Variants in PHACTR2 observed in about 807,000 individuals in gnomAD.
PHACTR2 encodes phosphatase and actin regulator 2.
In PHACTR2, 30 loss-of-function variants were observed where a neutral mutation model predicts 76.0. The ratio of observed to expected loss-of-function variants is 0.39; its 90% confidence interval spans 0.30 to 0.54. The LOEUF is 0.54. PHACTR2 is among the 20% of genes least tolerant of loss of function. The pLI is 0.61. For synonymous variants in PHACTR2, 292 were observed against 292.5 expected (o/e 1.00, Z 0.02); for missense variants, 696 against 781.1 (o/e 0.89, Z 1.30).
At position 143,571,614 on chromosome 6, in the gene PHACTR2, A is replaced by G. The variant is rs1288950077; in HGVS notation, c.217+34407A>G. 6.6e-6 allele frequency among the ~76,000 whole-genome samples: 1 copy of G among 151,870 alleles called. No homozygotes were observed. The highest frequency in any genetic ancestry group is 2.4e-5 in the African/African-American group (1 of 41,316). Reference sequence around the variant, plus strand: ...TTTTTTATAGAGATGAGGTCTTGCTATGTTTCCCAGGCCGGTCAATCATCA... The same window carrying G: ...TTTTTTATAGAGATGAGGTCTTGCTGTGTTTCCCAGGCCGGTCAATCATCA... On this transcript the variant is annotated intron_variant, in intron 1 of 11. Coordinates refer to the PHACTR2 transcript ENST00000367584. The surrounding 1 kb of genome is among the most constrained non-coding windows in gnomAD (Gnocchi z 4.6).
At position 143,695,515 on chromosome 6, in the gene PHACTR2, G is replaced by A. The variant is rs1302339150; in HGVS notation, c.47-16501G>A. Among the ~76,000 whole-genome samples the A allele has an allele frequency of 6.6e-6, 1 of 152,184 alleles. No individual in the cohort carries two copies. Among genetic ancestry groups the A allele is most frequent in the East Asian group, 1.9e-4 (1 of 5,196 alleles). On this transcript the variant is annotated intron_variant, in intron 1 of 12. Transcript: ENST00000440869. The surrounding 1 kb of genome is among the most constrained non-coding windows in gnomAD (Gnocchi z 4.4). ...ATAACTGATAAGGATTTAATTAATT[G>A]CTTGTGGTTTTGCAGTGCCAGTCCA...
intron 3 of PHACTR2, among the ~76,000 whole-genome samples, chr6:143,752,875 A>G (rs1779216632): frequency 6.6e-6 from 1 of 152,182 alleles, no homozygotes. Flanking sequence ...TTCCAGATAT[A>G]AAGTAGGGTT....
At chr6:143,576,219 A>G (rs2128432358) in intron 1 of PHACTR2, among the ~76,000 whole-genome samples, 1 of 152,346 alleles carries the variant, frequency 6.6e-6, no homozygotes, top group East Asian at 1.9e-4. Context: ...CCTTTGAGTT[A>G]TATAACACCC....
intron 1 of PHACTR2, among the ~76,000 whole-genome samples, chr6:143,622,488 G>A (rs1467869430): frequency 6.6e-6 from 1 of 152,194 alleles, no homozygotes; most frequent in African/African-American, 2.4e-5. Flanking sequence ...CCCAGATGTG[G>A]CACACAGTAA....
chr6:143,707,297 A>T (rs886111960), intron 1 of PHACTR2, among the ~76,000 whole-genome samples: 3 of 152,184 alleles, frequency 2.0e-5, no homozygotes, highest in African/African-American at 7.2e-5. Flanking sequence ...ACCACACATG[A>T]TTTCTCCTAG....
rs1775674243 is a variant in PHACTR2 at position 143,791,001 on chromosome 6, G to A, written c.1845+2091G>A. Among the ~76,000 whole-genome samples the A allele has an allele frequency of 6.6e-6, 1 of 152,152 alleles. No homozygotes were observed. Among genetic ancestry groups the A allele is most frequent in the Admixed American group, 6.5e-5 (1 of 15,278 alleles). ...CAACAAGATTCTTAAACTTAATACA[G>A]TCGAATTTATCAACCTTTTTCTTTA... On this transcript the variant is annotated intron_variant, in intron 11 of 12. Transcript: ENST00000440869. This position sits in a 1 kb window ranked among gnomAD's most constrained non-coding sequence, Gnocchi z 4.7.
At position 143,599,193 on chromosome 6, in the gene PHACTR2, A is replaced by G. The variant is rs1027245864; in HGVS notation, c.217+61986A>G. On this transcript the variant is annotated intron_variant, in intron 1 of 11. Coordinates refer to the PHACTR2 transcript ENST00000367584. The surrounding 1 kb of genome is among the most constrained non-coding windows in gnomAD (Gnocchi z 4.6). ...AAAAGCAGAATGGTGAAAAAGAATC[A>G]TTCTCTCAATTAATCTAAAGCCTAT... is the stretch of plus-strand genomic sequence containing the variant. 6.6e-6 allele frequency among the ~76,000 whole-genome samples: 1 copy of G among 152,242 alleles called. No homozygotes were observed. Among genetic ancestry groups the G allele is most frequent in the African/African-American group, 2.4e-5 (1 of 41,468 alleles).
At chr6:143,792,709 G>A (rs1775720412) in intron 11 of PHACTR2, among the ~76,000 whole-genome samples, 1 of 152,138 alleles carries the variant, frequency 6.6e-6, no homozygotes, top group South Asian at 2.1e-4. Context: ...TGGTAAGGAA[G>A]GCTCAGAGAC....
intron 1 of PHACTR2, among the ~76,000 whole-genome samples, chr6:143,542,562 C>T (rs1392586842): frequency 1.3e-5 from 2 of 152,164 alleles, no homozygotes; most frequent in African/African-American, 4.8e-5. Context: ...CTGTTTGTCT[C>T]TCTGTTGACC....
At chr6:143,716,662 A>T (rs1055332746) in intron 2 of PHACTR2, among the ~76,000 whole-genome samples, 1 of 152,224 alleles carries the variant, frequency 6.6e-6, no homozygotes, top group Non-Finnish European at 1.5e-5. Flanking sequence ...TTTTTTAAAG[A>T]ACAAGGGAAT....
rs572858668 is a variant in PHACTR2 at position 143,793,835 on chromosome 6, T to C, written c.1845+4925T>C. On this transcript the variant is annotated intron_variant, in intron 11 of 12. Coordinates refer to ENST00000440869, the MANE Select transcript of PHACTR2 (RefSeq NM_001100164.2). This position sits in a 1 kb window ranked among gnomAD's most constrained non-coding sequence, Gnocchi z 4.4. ...GGGAAGCTGAGGTGGGAGAATTGCT[T>C]GAGCCCAGGAGCAGGAGGCTGCAGT... Among the ~76,000 whole-genome samples the C allele has an allele frequency of 3.3e-5, 5 of 152,182 alleles. No homozygotes were observed. The highest frequency in any genetic ancestry group is 6.6e-5 in the Admixed American group (1 of 15,262).
intron 3 of PHACTR2, 37 bp downstream of exon 3, chr6:143,749,102 C>A: frequency 9.1e-7 from 1 of 1,093,970 alleles, no homozygotes; most frequent in South Asian, 1.3e-5. Flanking sequence ...ATATTTTGGT[C>A]CTTCATTCTT....
At position 143,610,198 on chromosome 6, in the gene PHACTR2, G is replaced by A. The variant is rs1389753845; in HGVS notation, c.13+1876G>A. Among the ~76,000 whole-genome samples the A allele has an allele frequency of 1.3e-5, 2 of 151,912 alleles. No homozygotes were observed. Among genetic ancestry groups the A allele is most frequent in the Non-Finnish European group, 2.9e-5 (2 of 67,988 alleles). On this transcript the variant is annotated intron_variant, in intron 1 of 11. Transcript: ENST00000305766. This position sits in a 1 kb window ranked among gnomAD's most constrained non-coding sequence, Gnocchi z 4.9. ...AGGTAAGCAGCCTCTCTTACAGGAG[G>A]AAAATGTAAACATCCATTATATACA...
chr6:143,807,213 C>A lies in PHACTR2; in HGVS notation c.1922+80C>A. 1.3e-6 allele frequency: 1 copy of A among 793,626 alleles called. No individual in the cohort carries two copies. The highest frequency in any genetic ancestry group is 2.1e-6 in the Non-Finnish European group (1 of 472,628). 49.2% of individuals were successfully genotyped at this position (793,626 alleles called of 1,614,324 possible). On this transcript the variant is annotated intron_variant, in intron 12 of 12. Coordinates refer to ENST00000440869, the MANE Select transcript of PHACTR2 (RefSeq NM_001100164.2). This position sits in a 1 kb window ranked among gnomAD's most constrained non-coding sequence, Gnocchi z 5.5. The stretch of plus-strand genomic sequence containing the variant: ...TTGAGTTGGTTAAAAAAAGAAATTG[C>A]TTACAATGGTAAATTTTATGATAGG...
In PHACTR2 at chr6:143,656,699, G is replaced by C. The variant is rs1041415612; in HGVS notation, c.13+48377G>C. ...GTGATCATAGAAGAAGCAATATCAA[G>C]ATTTTTCACCAGCCTCTGGAGTTAT... is the stretch of plus-strand genomic sequence containing the variant. On this transcript the variant is annotated intron_variant, in intron 1 of 11. Coordinates refer to the PHACTR2 transcript ENST00000305766. This position sits in a 1 kb window ranked among gnomAD's most constrained non-coding sequence, Gnocchi z 5.3. 1.5e-4 allele frequency among the ~76,000 whole-genome samples: 23 copies of C among 152,102 alleles called. No individual in the cohort carries two copies. Among genetic ancestry groups the C allele is most frequent in the Non-Finnish European group, 3.4e-4 (23 of 68,022 alleles).
At chr6:143,691,164 G>T (rs1373984209) in intron 1 of PHACTR2, among the ~76,000 whole-genome samples, 1 of 152,082 alleles carries the variant, frequency 6.6e-6, no homozygotes, top group Non-Finnish European at 1.5e-5. Flanking sequence ...CAAATTATAG[G>T]TTAGTGGTAC....
rs1298712829 is a variant in PHACTR2 at position 143,806,421 on chromosome 6, A to G, written c.1846-636A>G. On this transcript the variant is annotated intron_variant, in intron 11 of 12. Transcript: ENST00000440869. The surrounding 1 kb of genome is among the most constrained non-coding windows in gnomAD (Gnocchi z 5.8). ...CAGCTAGTCAAAGCCATGTTGTTGT[A>G]GGCAATATTCTATGTAGAACTTTCC... Among the ~76,000 whole-genome samples the G allele has an allele frequency of 6.6e-6, 1 of 152,214 alleles. No homozygotes were observed. The highest frequency in any genetic ancestry group is 1.5e-5 in the Non-Finnish European group (1 of 68,042).
rs1049548298 is a variant in PHACTR2 at position 143,684,513 on chromosome 6, A to G, written c.46+6304A>G. Among the ~76,000 whole-genome samples, 2 of 152,242 alleles carry G rather than the reference A, an allele frequency of 1.3e-5. No homozygotes were observed. The highest frequency in any genetic ancestry group is 4.8e-5 in the African/African-American group (2 of 41,474). On this transcript the variant is annotated intron_variant, in intron 1 of 12. Transcript: ENST00000440869. This position sits in a 1 kb window ranked among gnomAD's most constrained non-coding sequence, Gnocchi z 4.3. ...CAACTATAAACTACATGTCCTAATG[A>G]CATATTAGCAGTAGAGTTGCTAGGT...
chr6:143,771,194 G>GTATATATATATATA (rs769993035), intron 6 of PHACTR2, among the ~76,000 whole-genome samples: 1 of 40,458 alleles, frequency 2.5e-5, no homozygotes, highest in Non-Finnish European at 4.6e-5. Flanking sequence ...ATATATGTGT[G>GTATATATATATATA]TATATATATA....
Sources: gnomAD v4.1 joint callset for allele counts (sites outside exome capture counted in the v4.1 genomes callset) on GRCh38, gnomAD v4.1.1 for gene constraint, Gnocchi (gnomAD v3.1) non-coding constraint, MANE v1.5 for transcripts, NCBI Gene and HGNC (gene_info 2026-07-23, HGNC 2026-07-21) for gene names.